PTPRT: variants seen among roughly 807,000 people sequenced by gnomAD.
PTPRT encodes the protein receptor-type tyrosine-protein phosphatase T.
Under a neutral mutation model 176.8 loss-of-function variants are expected in PTPRT, and 56 were observed. That is an observed-to-expected ratio of 0.32 (90% CI 0.26 to 0.40). The LOEUF (loss-of-function observed/expected upper bound fraction) is 0.40, where lower values mean the gene tolerates loss of function less well. PTPRT is among the 10% of genes least tolerant of loss of function. The pLI is 1.00. For synonymous variants in PTPRT, 783 were observed against 739.0 expected (o/e 1.06, Z -0.96); for missense variants, 1,540 against 1,908.2 (o/e 0.81, Z 3.60).
chr20:42,430,418 G>C (rs540843431), intron 9 of PTPRT, among the ~76,000 whole-genome samples: 13 of 152,148 alleles, frequency 8.5e-5, no homozygotes, highest in African/African-American at 2.9e-4. Context: ...CAGAAGACCT[G>C]GGGTGGGGAC....
chr20:43,085,247 T>C (rs1373307940), intron 1 of PTPRT, among the ~76,000 whole-genome samples: 1 of 152,166 alleles, frequency 6.6e-6, no homozygotes, highest in East Asian at 1.9e-4. Flanking sequence ...ATCAAGGCTA[T>C]TCAGAAACAT....
chr20:42,865,697 G>A (rs1177446650), intron 2 of PTPRT, among the ~76,000 whole-genome samples: 1 of 152,140 alleles, frequency 6.6e-6, no homozygotes, highest in East Asian at 1.9e-4. Flanking sequence ...TGATGACAAG[G>A]GGATGGCAAA....
chr20:42,361,704 G>A (rs949827793), intron 9 of PTPRT, among the ~76,000 whole-genome samples: 7 of 152,180 alleles, frequency 4.6e-5, no homozygotes, highest in Non-Finnish European at 1.0e-4. Context: ...GGAGGCTGCC[G>A]TGTGAGTCCA....
chr20:42,208,990 T>C (rs899089479), intron 15 of PTPRT, among the ~76,000 whole-genome samples: 2 of 152,074 alleles, frequency 1.3e-5, no homozygotes, highest in African/African-American at 4.8e-5. Flanking sequence ...GGATTAAGAA[T>C]CTCACTCAAA....
intron 1 of PTPRT, among the ~76,000 whole-genome samples, chr20:43,006,895 G>C (rs924531618): frequency 5.9e-5 from 9 of 152,082 alleles, no homozygotes; most frequent in Non-Finnish European, 1.3e-4. Flanking sequence ...TGGCAATGTA[G>C]AGTCTGCACA....
rs773093788 is a variant in PTPRT, at chr20:42,756,550, A to G, written c.771T>C (p.Thr257=). 2 of 1,613,120 alleles carry G rather than the reference A, an allele frequency of 1.2e-6. No homozygotes were observed. Among genetic ancestry groups the G allele is most frequent in the Admixed American group, 1.7e-5 (1 of 59,932 alleles). ...RFSATVSVAD[T]AQRSVSKYRC... ...GGTACTTGCTGACGCTCCGCTGGGC[A>G]GTGTCTGCCACACTGACTGTGGCTG... The change falls in exon 6 of 31, where the codon ACT becomes ACC. Residue 257 remains threonine, a synonymous_variant. Coordinates refer to ENST00000373187, the MANE Select transcript of PTPRT (RefSeq NM_007050.6).
At chr20:42,867,928 C>T (rs1053596117) in intron 2 of PTPRT, among the ~76,000 whole-genome samples, 3 of 152,156 alleles carry the variant, frequency 2.0e-5, no homozygotes, top group Middle Eastern at 3.4e-3. Context: ...GTGATCTGCC[C>T]GCCTTGGCCT....
chr20:42,724,937 T>C (rs1363347025), intron 6 of PTPRT, among the ~76,000 whole-genome samples: 1 of 151,994 alleles, frequency 6.6e-6, no homozygotes, highest in Non-Finnish European at 1.5e-5. Context: ...AACTCCATCA[T>C]ACCAGCAAAA....
chr20:42,197,204 C>A (rs1413458759), intron 16 of PTPRT, among the ~76,000 whole-genome samples: 2 of 151,580 alleles, frequency 1.3e-5, no homozygotes, highest in Non-Finnish European at 2.9e-5. Context: ...ACGGTGAAAC[C>A]CCGTCTCGAC....
intron 2 of PTPRT, among the ~76,000 whole-genome samples, chr20:42,873,036 C>G (rs925591993): frequency 6.6e-6 from 1 of 152,134 alleles, no homozygotes; most frequent in African/African-American, 2.4e-5. Context: ...GCTAGAGGGG[C>G]CTGAGGTAGC....
intron 1 of PTPRT, among the ~76,000 whole-genome samples, chr20:42,931,367 C>CT (rs1979837576): frequency 6.6e-6 from 1 of 152,138 alleles, no homozygotes; most frequent in Non-Finnish European, 1.5e-5. Context: ...GAAGAGGCCC[C>CT]TCACCAGAGA....
intron 7 of PTPRT, among the ~76,000 whole-genome samples, chr20:42,545,946 GT>G (rs1312872975): frequency 3.3e-5 from 5 of 151,992 alleles, no homozygotes; most frequent in Non-Finnish European, 5.9e-5. Flanking sequence ...ATGTATATGT[GT>G]TTTTTTCTAT....
intron 9 of PTPRT, among the ~76,000 whole-genome samples, chr20:42,358,003 G>GAACA (rs2058380996): frequency 6.6e-6 from 1 of 151,504 alleles, no homozygotes; most frequent in Admixed American, 6.6e-5. Context: ...ACAGGTTGAG[G>GAACA]AACAAGGAGA....
chr20:42,531,324 C>T (rs538074367), intron 7 of PTPRT, among the ~76,000 whole-genome samples: 69 of 152,190 alleles, frequency 4.5e-4, no homozygotes, highest in African/African-American at 1.6e-3. Flanking sequence ...AGACAAAGAG[C>T]AATCTACTTA....
intron 1 of PTPRT, among the ~76,000 whole-genome samples, chr20:43,075,817 C>G (rs997018040): frequency 6.6e-6 from 1 of 152,174 alleles, no homozygotes; most frequent in Admixed American, 6.5e-5. Context: ...GCTAACAGAA[C>G]AGGTGTGCAC....
chr20:42,659,426 C>T (rs1456510047), intron 7 of PTPRT, among the ~76,000 whole-genome samples: 3 of 152,186 alleles, frequency 2.0e-5, no homozygotes, highest in African/African-American at 7.2e-5. Flanking sequence ...TACAGAATAC[C>T]GTTACCTTGA....
chr20:42,263,362 C>T (rs1027609724), intron 13 of PTPRT, among the ~76,000 whole-genome samples: 3 of 146,216 alleles, frequency 2.1e-5, no homozygotes, highest in African/African-American at 7.8e-5. Context: ...CATGCGCTGC[C>T]ATGCCTGGCT....
At chr20:42,338,477 T>C (rs1399778551) in intron 11 of PTPRT, among the ~76,000 whole-genome samples, 1 of 152,172 alleles carries the variant, frequency 6.6e-6, no homozygotes, top group African/African-American at 2.4e-5. Flanking sequence ...TTCAAAACAT[T>C]CCCACCATTG....
chr20:42,662,501 T>G (rs1035084985), intron 7 of PTPRT, among the ~76,000 whole-genome samples: 7 of 152,208 alleles, frequency 4.6e-5, no homozygotes, highest in South Asian at 2.1e-4. Context: ...GGGTTATAGG[T>G]TTGCAGGCAA....
Sources: allele counts gnomAD v4.1 joint callset (sites outside exome capture counted in the v4.1 genomes callset), GRCh38; gene constraint gnomAD v4.1.1; transcripts MANE v1.5; gene names NCBI Gene and HGNC (gene_info 2026-07-23, HGNC 2026-07-21).